Variants in UBASH3B observed in about 807,000 individuals in gnomAD.
UBASH3B encodes ubiquitin-associated and SH3 domain-containing protein B.
Under a neutral mutation model 83.4 loss-of-function variants are expected in UBASH3B, and 37 were observed. That is an observed-to-expected ratio of 0.44 (90% CI 0.34 to 0.58). The LOEUF is 0.58. UBASH3B is among the 20% of genes least tolerant of loss of function. The pLI is 0.01. For synonymous variants in UBASH3B, 304 were observed against 318.3 expected, an observed-to-expected ratio of 0.96 and a Z score of 0.48; for missense variants, 657 against 827.2, an observed-to-expected ratio of 0.79 and a Z score of 2.52.
chr11:122,796,306 G>A (rs1861155807), intron 8 of UBASH3B, 30 bp downstream of exon 8: 2 of 1,610,912 alleles, frequency 1.2e-6, no homozygotes, highest in Non-Finnish European at 8.5e-7. Flanking sequence ...GCTCAGCACT[G>A]CCATACCCAT....
In UBASH3B at chr11:122,726,598, C is replaced by T. The variant is rs562468583; in HGVS notation, c.162-49621C>T. Among the ~76,000 whole-genome samples, 5 of 152,268 alleles carry T rather than the reference C, an allele frequency of 3.3e-5. No individual in the cohort carries two copies. The South Asian group carries it at 1.0e-3, about 32-fold the overall frequency. On this transcript the variant is annotated intron_variant, in intron 1 of 13. Transcript: ENST00000284273. ...TCCTGACCTCAAGTGATCTGTTCAC[C>T]TCATCCTCCCAAAGTTGCTGGCATG...
At chr11:122,722,086 T>G (rs1413759601) in intron 1 of UBASH3B, among the ~76,000 whole-genome samples, 1 of 152,234 alleles carries the variant, frequency 6.6e-6, no homozygotes, top group Admixed American at 6.5e-5. Context: ...TGCAACCTTT[T>G]GCATCTGTTA....
intron 1 of UBASH3B, among the ~76,000 whole-genome samples, chr11:122,737,411 T>C (rs1860951689): frequency 6.6e-6 from 1 of 151,968 alleles, no homozygotes. Context: ...CAGGACCTAA[T>C]GATGAATTAG....
In UBASH3B at chr11:122,691,735, G is replaced by T. The variant is rs572752452; in HGVS notation, c.161+35525G>T. On this transcript the variant is annotated intron_variant, in intron 1 of 13. Coordinates refer to ENST00000284273, the MANE Select transcript of UBASH3B (RefSeq NM_032873.5). ...AGACATTTCTGGAATCAATGAAAAG[G>T]CTGCCTTGCCTGGCCTTCTGCTGGG... is the stretch of plus-strand genomic sequence containing the variant. Among the ~76,000 whole-genome samples, 19 of 152,314 alleles carry T rather than the reference G, an allele frequency of 1.2e-4. No individual in the cohort carries two copies. In the East Asian group the frequency reaches 3.3e-3, roughly 26 times the overall value.
chr11:122,688,985 G>T (rs12221548), intron 1 of UBASH3B, among the ~76,000 whole-genome samples: 1 of 150,086 alleles, frequency 6.7e-6, no homozygotes, highest in African/African-American at 2.5e-5. Context: ...AGGCGGGGGG[G>T]GGGGGGGTTC....
chr11:122,720,989 T>TA (rs1415035406), intron 1 of UBASH3B, among the ~76,000 whole-genome samples: 1 of 152,008 alleles, frequency 6.6e-6, no homozygotes, highest in Non-Finnish European at 1.5e-5. Flanking sequence ...CTCACGCCTG[T>TA]AATCCCAGCA....
chr11:122,752,896 A>T (rs115310341), intron 1 of UBASH3B, among the ~76,000 whole-genome samples: 1,834 of 152,086 alleles, frequency 0.012, 40 homozygotes, highest in African/African-American at 0.043. Flanking sequence ...GGATAGTATT[A>T]TTATTACCCT....
intron 1 of UBASH3B, among the ~76,000 whole-genome samples, chr11:122,744,330 T>C (rs1319138244): frequency 6.6e-6 from 1 of 152,158 alleles, no homozygotes; most frequent in Non-Finnish European, 1.5e-5. Context: ...AGTGTAGGTG[T>C]GACTGTATGA....
In UBASH3B at chr11:122,706,552, G is replaced by C. The variant is rs1397012393; in HGVS notation, c.161+50342G>C. Among the ~76,000 whole-genome samples the C allele has an allele frequency of 2.0e-5, 3 of 152,246 alleles. No individual in the cohort carries two copies. The East Asian group carries it at 5.8e-4, about 29-fold the overall frequency. ...GTACCTAGATACGAGATTCTTTTAG[G>C]AAGTTGCTGATTTTCTGAGGGTGTC... is the stretch of plus-strand genomic sequence containing the variant. On this transcript the variant is annotated intron_variant, in intron 1 of 13. Transcript: ENST00000284273.
chr11:122,727,131 A>G (rs939876575), intron 1 of UBASH3B, among the ~76,000 whole-genome samples: 1 of 152,202 alleles, frequency 6.6e-6, no homozygotes, highest in African/African-American at 2.4e-5. Flanking sequence ...TGGCCAGGCC[A>G]TGTGTGTCTG....
chr11:122,705,132 G>C (rs1417586120), intron 1 of UBASH3B, among the ~76,000 whole-genome samples: 1 of 152,158 alleles, frequency 6.6e-6, no homozygotes, highest in African/African-American at 2.4e-5. Flanking sequence ...ATGAGTCCCA[G>C]AGCTTTGAGG....
chr11:122,780,156 C>T (rs921769185), intron 4 of UBASH3B, among the ~76,000 whole-genome samples: 1 of 152,100 alleles, frequency 6.6e-6, no homozygotes, highest in East Asian at 1.9e-4. Context: ...GGAAGCACTT[C>T]GTATTATATC....
At chr11:122,769,618 T>C (rs1190476720) in intron 1 of UBASH3B, among the ~76,000 whole-genome samples, 2 of 152,254 alleles carry the variant, frequency 1.3e-5, no homozygotes, top group East Asian at 1.9e-4. Context: ...TGTTCATGAC[T>C]GATTCAGCAG....
chr11:122,743,223 T>C (rs1336872209), intron 1 of UBASH3B, among the ~76,000 whole-genome samples: 1 of 152,114 alleles, frequency 6.6e-6, no homozygotes, highest in Non-Finnish European at 1.5e-5. Context: ...TCTCTCTCTC[T>C]CTCTCTCTTT....
At chr11:122,803,058 T>G (rs938012479) in intron 11 of UBASH3B, among the ~76,000 whole-genome samples, 5 of 152,094 alleles carry the variant, frequency 3.3e-5, no homozygotes, top group African/African-American at 1.2e-4. Flanking sequence ...CCACCAGCAG[T>G]GTGAGCAGAA....
chr11:122,761,053 T>G (rs951172756), intron 1 of UBASH3B, among the ~76,000 whole-genome samples: 3 of 152,196 alleles, frequency 2.0e-5, no homozygotes, highest in Admixed American at 6.5e-5. Flanking sequence ...GGTATTTCCT[T>G]TGGTAGAATC....
chr11:122,764,280 G>A (rs1467951618), intron 1 of UBASH3B, among the ~76,000 whole-genome samples: 1 of 152,176 alleles, frequency 6.6e-6, no homozygotes, highest in African/African-American at 2.4e-5. Context: ...TTGCAGCCAA[G>A]GAATCACTAT....
chr11:122,738,701 C>T, intron 1 of UBASH3B, among the ~76,000 whole-genome samples: 1 of 152,094 alleles, frequency 6.6e-6, no homozygotes, highest in East Asian at 1.9e-4. Context: ...CCAGCCTGAC[C>T]AACATGGAGA....
intron 1 of UBASH3B, among the ~76,000 whole-genome samples, chr11:122,708,291 C>CTTTT (rs11442792): frequency 3.9e-5 from 5 of 127,676 alleles, no homozygotes; most frequent in South Asian, 2.5e-4. Flanking sequence ...CTTTGCTTGG[C>CTTTT]TTTTTTTTTT....
Sources: gnomAD v4.1 joint callset for allele counts (sites outside exome capture counted in the v4.1 genomes callset) on GRCh38, gnomAD v4.1.1 for gene constraint, MANE v1.5 for transcripts, NCBI Gene and HGNC (gene_info 2026-07-23, HGNC 2026-07-21) for gene names.